The following TBCD variants were observed in gnomAD, a reference collection of about 807,000 sequenced individuals.
TBCD encodes the protein tubulin-specific chaperone D.
Under a neutral mutation model 169.3 loss-of-function variants are expected in TBCD, and 105 were observed. The observed-to-expected ratio is 0.62, with a 90% confidence interval of 0.53 to 0.73. The LOEUF (loss-of-function observed/expected upper bound fraction) is 0.73, where lower values mean the gene tolerates loss of function less well. Among genes scored for constraint, TBCD ranks in the 30% least tolerant of loss-of-function variants. The probability of loss-of-function intolerance (pLI) is 0.00; values close to 1 mark genes in which losing one functional copy is unlikely to be tolerated. For missense variants in TBCD, 1,444 were observed against 1,600.1 expected (o/e 0.90, Z 1.66); for synonymous variants, 700 against 643.9 (o/e 1.09, Z -1.32).
Position 82,831,249 on chromosome 17 carries a change from G to A in TBCD, c.1318+16315G>A. The A allele has an allele frequency of 6.2e-7, 1 of 1,613,892 alleles. No homozygotes were observed. The highest frequency in any genetic ancestry group is 1.3e-5 in the African/African-American group (1 of 75,052). On this transcript the variant is annotated intron_variant, in intron 13 of 38. Coordinates refer to ENST00000355528, the MANE Select transcript of TBCD (RefSeq NM_005993.5). This position sits in a 1 kb window ranked among gnomAD's most constrained non-coding sequence, Gnocchi z 4.6. ...AGCCCGTGGCTGCACTCCCTGCGCG[G>A]GGGCTCATTTTGGACCCTTCCGTGT...
In TBCD at chr17:82,939,487, G is replaced by A. The variant is rs1276630036; in HGVS notation, c.3479+11G>A. 1 of 1,606,958 alleles carries A rather than the reference G, an allele frequency of 6.2e-7. No homozygotes were observed. Among genetic ancestry groups the A allele is most frequent in the Non-Finnish European group, 8.5e-7 (1 of 1,175,520 alleles). Reference sequence around the variant, plus strand: ...CAGTGACACTGCGTGGTGAGTGAAGGCCCTTCCTGCACGGCCACCTGGGCC... The same window carrying A: ...CAGTGACACTGCGTGGTGAGTGAAGACCCTTCCTGCACGGCCACCTGGGCC... On this transcript the variant is annotated intron_variant, in intron 37 of 38. Transcript: ENST00000355528.
At position 82,893,464 on chromosome 17, in the gene TBCD, C is replaced by T. The variant is rs1463296240; in HGVS notation, c.1564-83C>T. ...GCTCGGGGTTCATGAGTGTAAATGT[C>T]TGTGGATGTGATTATTGAACTTGGT... On this transcript the variant is annotated intron_variant, in intron 16 of 38. Coordinates refer to ENST00000355528, the MANE Select transcript of TBCD (RefSeq NM_005993.5). 4 of 1,120,516 alleles carry T rather than the reference C, an allele frequency of 3.6e-6. No homozygotes were observed. The African/African-American group carries it at 6.2e-5, about 17-fold the overall frequency. 69.4% of individuals were successfully genotyped at this position (1,120,516 alleles called of 1,614,324 possible). A position where few individuals can be genotyped will look rare whatever the true frequency, so the allele number is the denominator to read the frequency against.
At chr17:82,768,272 C>A in intron 4 of TBCD, 148 bp from the exon 5 acceptor site, 1 of 937,904 alleles carries the variant, frequency 1.1e-6, no homozygotes, top group Non-Finnish European at 1.6e-6. Flanking sequence ...TGGTGAACGG[C>A]TTGCATTTCT....
At chr17:82,815,065 C>A in intron 13 of TBCD, 131 bp downstream of exon 13, 2 of 1,421,084 alleles carry the variant, frequency 1.4e-6, no homozygotes, top group Non-Finnish European at 1.9e-6. Flanking sequence ...ACCAGGCTGT[C>A]CGTGGCAGGC....
At chr17:82,819,413 A>G (rs773002718) in intron 13 of TBCD, among the ~76,000 whole-genome samples, 5 of 152,166 alleles carry the variant, frequency 3.3e-5, no homozygotes, top group Non-Finnish European at 5.9e-5. Context: ...CAGAATCTCC[A>G]TCTGTTGTGC....
intron 13 of TBCD, 63 bp from the exon 14 acceptor site, chr17:82,870,161 T>C: frequency 6.2e-7 from 1 of 1,604,226 alleles, no homozygotes. Flanking sequence ...CCCACTTCTC[T>C]GAAGCCTCAC....
rs2063664630 is a variant in TBCD at position 82,945,847 on chromosome 17, T to C, written c.*3384T>C. On this transcript the variant is annotated 3_prime_UTR_variant, in exon 39 of 39. Transcript: ENST00000355528. Reference sequence around the variant, plus strand: ...GGATAAACTTTAGGCAGGAGGGAAATGATCGCAGTTGGATAGTTGGAGGAA... The same window carrying C: ...GGATAAACTTTAGGCAGGAGGGAAACGATCGCAGTTGGATAGTTGGAGGAA... The C allele has an allele frequency of 6.6e-6, 1 of 152,158 alleles. No individual in the cohort carries two copies. 9.4% of individuals were successfully genotyped at this position (152,158 alleles called of 1,614,324 possible).
chr17:82,792,802 C>CT (rs998998160), intron 7 of TBCD, among the ~76,000 whole-genome samples: 12 of 151,474 alleles, frequency 7.9e-5, no homozygotes, highest in East Asian at 1.9e-4. Flanking sequence ...GTGAAATTAC[C>CT]TTTTTTTTTG....
At chr17:82,936,334 T>C in intron 34 of TBCD, among the ~76,000 whole-genome samples, 1 of 152,242 alleles carries the variant, frequency 6.6e-6, no homozygotes, top group East Asian at 1.9e-4. Context: ...TTGTCTCGCG[T>C]GTTTCCACGT....
chr17:82,939,624 C>G, intron 37 of TBCD, 148 bp downstream of exon 37: 2 of 679,572 alleles, frequency 2.9e-6, no homozygotes, highest in Non-Finnish European at 2.5e-6. Flanking sequence ...TTAGGTTTTA[C>G]AAGGCAGCCG....
chr17:82,891,918 G>A lies in TBCD; in HGVS notation c.1564-1629G>A, dbSNP rs868367827. Among the ~76,000 whole-genome samples, 26 of 152,288 alleles carry A rather than the reference G, an allele frequency of 1.7e-4. No homozygotes were observed. In the South Asian group the frequency reaches 3.3e-3, roughly 19 times the overall value. On this transcript the variant is annotated intron_variant, in intron 16 of 38. Transcript: ENST00000355528. ...TGACTAACCCATGGGCAGCTTCCAC[G>A]TTCAGGGCCTGTCCGACATTCCAGC...
chr17:82,841,618 A>C (rs1276454970), intron 13 of TBCD, among the ~76,000 whole-genome samples: 1 of 152,240 alleles, frequency 6.6e-6, no homozygotes, highest in Non-Finnish European at 1.5e-5. Context: ...TCTTATGACA[A>C]AAAACAGCAG....
chr17:82,804,090 G>A (rs1310228966), intron 9 of TBCD, among the ~76,000 whole-genome samples: 1 of 141,562 alleles, frequency 7.1e-6, no homozygotes, highest in Non-Finnish European at 1.5e-5. Flanking sequence ...GAGAGTGGGG[G>A]CTGGGGTGCA....
chr17:82,896,956 A>G (rs970791064), intron 17 of TBCD, among the ~76,000 whole-genome samples: 2 of 151,698 alleles, frequency 1.3e-5, no homozygotes, highest in South Asian at 4.2e-4. Context: ...GGCCATTGTC[A>G]TGGGGGTGTG....
intron 14 of TBCD, among the ~76,000 whole-genome samples, chr17:82,882,203 TGTGG>T (rs1380881087): frequency 6.6e-6 from 1 of 152,250 alleles, no homozygotes; most frequent in African/African-American, 2.4e-5. Context: ...CCTTGTTTGC[TGTGG>T]GCTCACCTCT....
rs1390860688 is a variant in TBCD at position 82,752,110 on chromosome 17, C to T, written c.-84C>T. ...TAGCGGGCGCCTCCTTTTCATCCCTCATCCTTCATCCCTGGCTTTCGCGCT... is the reference window on the plus strand; with the variant it reads ...TAGCGGGCGCCTCCTTTTCATCCCTTATCCTTCATCCCTGGCTTTCGCGCT... On this transcript the variant is annotated 5_prime_UTR_variant, in exon 1 of 39. Coordinates refer to ENST00000355528, the MANE Select transcript of TBCD (RefSeq NM_005993.5). 7 of 1,364,094 alleles carry T rather than the reference C, an allele frequency of 5.1e-6. No individual in the cohort carries two copies. Among genetic ancestry groups the T allele is most frequent in the Non-Finnish European group, 5.7e-6 (6 of 1,052,780 alleles). 84.5% of individuals were successfully genotyped at this position (1,364,094 alleles called of 1,614,324 possible). A position where few individuals can be genotyped will look rare whatever the true frequency, so the allele number is the denominator to read the frequency against.
chr17:82,904,972 G>T (rs895827323), intron 19 of TBCD, among the ~76,000 whole-genome samples: 1 of 152,156 alleles, frequency 6.6e-6, no homozygotes, highest in Admixed American at 6.5e-5. Context: ...ACCCCCAGCC[G>T]CCACATCTTA....
At position 82,864,299 on chromosome 17, in the gene TBCD, A is replaced by C. The variant is rs1411570587; in HGVS notation, c.1319-5925A>C. 6.6e-6 allele frequency: 1 copy of C among 152,250 alleles called. No homozygotes were observed. Among genetic ancestry groups the C allele is most frequent in the Non-Finnish European group, 1.5e-5 (1 of 68,044 alleles). 9.4% of individuals were successfully genotyped at this position (152,250 alleles called of 1,614,324 possible). ...GCAGAGAACAGAAAGCTGCTGTGTG[A>C]CCTGCGGGTGCCCAGCCTGTGGGGC... On this transcript the variant is annotated intron_variant, in intron 13 of 38. Transcript: ENST00000355528. This position sits in a 1 kb window ranked among gnomAD's most constrained non-coding sequence, Gnocchi z 6.3.
chr17:82,831,866 T>C lies in TBCD; in HGVS notation c.1318+16932T>C. On this transcript the variant is annotated intron_variant, in intron 13 of 38. Transcript: ENST00000355528. The surrounding 1 kb of genome is among the most constrained non-coding windows in gnomAD (Gnocchi z 4.6). ...TAGCCAGGAGTGTGGAAGGCCGACT[T>C]GGTGTGGAAAGACACGGCCTTGGCA... is the stretch of plus-strand genomic sequence containing the variant. 6.2e-7 allele frequency: 1 copy of C among 1,614,054 alleles called. No homozygotes were observed. Among genetic ancestry groups the C allele is most frequent in the South Asian group, 1.1e-5 (1 of 91,068 alleles).
Sources: gnomAD v4.1 joint callset for allele counts (sites outside exome capture counted in the v4.1 genomes callset) on GRCh38, gnomAD v4.1.1 for gene constraint, Gnocchi (gnomAD v3.1) non-coding constraint, MANE v1.5 for transcripts, NCBI Gene and HGNC (gene_info 2026-07-23, HGNC 2026-07-21) for gene names.